Variants in DIAPH2 observed in about 807,000 individuals in gnomAD.
DIAPH2 encodes diaphanous related formin 2.
Under a neutral mutation model 92.7 loss-of-function variants are expected in DIAPH2, and 35 were observed. That is an observed-to-expected ratio of 0.38 (90% CI 0.29 to 0.50). The LOEUF (loss-of-function observed/expected upper bound fraction) is 0.50. DIAPH2 is among the 20% of genes least tolerant of loss of function. The probability of loss-of-function intolerance (pLI) is 0.94; values close to 1 mark genes in which losing one functional copy is unlikely to be tolerated. For synonymous variants in DIAPH2, 301 were observed against 280.4 expected (o/e 1.07, Z -0.73); for missense variants, 701 against 819.5 (o/e 0.86, Z 1.77).
intron 4 of DIAPH2, among the ~76,000 whole-genome samples, chrX:96,828,022 G>A (rs1032138518): frequency 1.8e-5 from 2 of 111,586 alleles, no homozygotes; most frequent in South Asian, 3.7e-4. Flanking sequence ...CACCCACCTC[G>A]GCCTCCTAAA....
intron 14 of DIAPH2, among the ~76,000 whole-genome samples, chrX:96,946,754 G>A (rs932028576): frequency 9.0e-6 from 1 of 111,709 alleles, no homozygotes; most frequent in Admixed American, 9.5e-5. Context: ...ATTAGACACT[G>A]CAAGACTGGA....
intron 4 of DIAPH2, among the ~76,000 whole-genome samples, chrX:96,784,553 G>T (rs1404812471): frequency 1.8e-5 from 2 of 111,495 alleles, no homozygotes; most frequent in African/African-American, 6.5e-5. Flanking sequence ...AAAACTCATT[G>T]GTGTGACTAT....
chrX:97,422,674 G>C (rs774796445), intron 25 of DIAPH2, among the ~76,000 whole-genome samples: 1 of 111,997 alleles, frequency 8.9e-6, no homozygotes, highest in East Asian at 2.8e-4. Flanking sequence ...GATTTTTATA[G>C]TATTGGCTTT....
intron 26 of DIAPH2, chrX:97,449,560 G>A (rs778276014): frequency 1.1e-4 from 35 of 310,484 alleles, no homozygotes; most frequent in Non-Finnish European, 1.3e-4. Flanking sequence ...TGAAACTACC[G>A]ATGGTCATTC....
At chrX:97,461,306 G>A (rs182592661) in intron 26 of DIAPH2, among the ~76,000 whole-genome samples, 1 of 107,391 alleles carries the variant, frequency 9.3e-6, no homozygotes, top group Non-Finnish European at 1.9e-5. Flanking sequence ...ACACACACAA[G>A]AGTAAATGTT....
chrX:96,737,678 CAAGCT>C (rs2064095826), intron 2 of DIAPH2, among the ~76,000 whole-genome samples: 1 of 111,664 alleles, frequency 9.0e-6, no homozygotes. Context: ...TGTGAAATAG[CAAGCT>C]AATTATTAGA....
chrX:97,186,866 C>T (rs772546279), intron 22 of DIAPH2, among the ~76,000 whole-genome samples: 2 of 111,915 alleles, frequency 1.8e-5, no homozygotes, highest in Non-Finnish European at 3.8e-5. Context: ...GGTCTGCTTC[C>T]ATGTTTTGAG....
intron 25 of DIAPH2, among the ~76,000 whole-genome samples, chrX:97,397,292 A>G (rs150377729): frequency 8.0e-4 from 90 of 112,033 alleles, no homozygotes; most frequent in African/African-American, 2.8e-3. Context: ...TAAATGTGCA[A>G]TTAACTATGG....
At chrX:97,521,253 G>C (rs2070988721) in intron 26 of DIAPH2, among the ~76,000 whole-genome samples, 1 of 111,930 alleles carries the variant, frequency 8.9e-6, no homozygotes, top group African/African-American at 3.2e-5. Flanking sequence ...ATAAATTTCC[G>C]TTGTTTACAA....
intron 1 of DIAPH2, among the ~76,000 whole-genome samples, chrX:96,717,360 A>G (rs1203882279): frequency 3.6e-5 from 4 of 110,909 alleles, no homozygotes; most frequent in Non-Finnish European, 7.5e-5. Flanking sequence ...TATTGAGAGA[A>G]GAGCACTGAA....
intron 3 of DIAPH2, among the ~76,000 whole-genome samples, chrX:96,753,234 G>A (rs1178445144): frequency 2.7e-5 from 3 of 111,820 alleles, no homozygotes; most frequent in African/African-American, 9.8e-5. Flanking sequence ...AATTTAACCA[G>A]AATTTTTTTA....
intron 22 of DIAPH2, among the ~76,000 whole-genome samples, chrX:97,157,901 A>T (rs753711506): frequency 1.8e-5 from 2 of 112,315 alleles, no homozygotes; most frequent in East Asian, 5.6e-4. Flanking sequence ...AGAAAAGTAT[A>T]CGCCGAGCCT....
intron 26 of DIAPH2, among the ~76,000 whole-genome samples, chrX:97,467,671 T>A (rs1032531784): frequency 3.6e-5 from 4 of 112,081 alleles, no homozygotes; most frequent in Non-Finnish European, 7.5e-5. Flanking sequence ...TTTCACACTC[T>A]ACAGGGGAAT....
chrX:97,493,648 G>A (rs2070738961), intron 26 of DIAPH2, among the ~76,000 whole-genome samples: 1 of 110,318 alleles, frequency 9.1e-6, no homozygotes, highest in Non-Finnish European at 1.9e-5. Context: ...GGAGGCCAAG[G>A]CAGGTGGATC....
chrX:97,124,726 G>A lies in DIAPH2; in HGVS notation c.2589+9761G>A, dbSNP rs184689600. 2.2e-4 allele frequency among the ~76,000 whole-genome samples: 25 copies of A among 111,268 alleles called. No individual in the cohort carries two copies. The East Asian group carries it at 7.1e-3, about 31-fold the overall frequency. On this transcript the variant is annotated intron_variant, in intron 21 of 26. Transcript: ENST00000324765. ...TACCTGTGATTATTAATATCGTGAA[G>A]CCTATGCTGCTATCTCTGATTTTAA...
At chrX:97,331,860 G>T (rs1014107949) in intron 23 of DIAPH2, among the ~76,000 whole-genome samples, 1 of 111,355 alleles carries the variant, frequency 9.0e-6, no homozygotes. Flanking sequence ...CTAATGTCAG[G>T]GGTATCAAAC....
At chrX:96,844,841 C>T (rs1178045443) in intron 4 of DIAPH2, among the ~76,000 whole-genome samples, 4 of 112,125 alleles carry the variant, frequency 3.6e-5, no homozygotes, top group African/African-American at 1.3e-4. Flanking sequence ...ATCGAAAACA[C>T]TGAACACCCC....
At chrX:97,535,683 C>T (rs902071619) in intron 26 of DIAPH2, among the ~76,000 whole-genome samples, 3 of 111,851 alleles carry the variant, frequency 2.7e-5, no homozygotes, top group African/African-American at 9.7e-5. Flanking sequence ...CTCCTGACCT[C>T]AAGTGATCCA....
intron 4 of DIAPH2, among the ~76,000 whole-genome samples, chrX:96,869,829 A>G (rs932107155): frequency 4.5e-5 from 5 of 110,463 alleles, no homozygotes; most frequent in African/African-American, 1.7e-4. Flanking sequence ...CAGGATCCTT[A>G]TTTCACCCTT....
Sources: allele counts gnomAD v4.1 joint callset (sites outside exome capture counted in the v4.1 genomes callset), GRCh38; gene constraint gnomAD v4.1.1; transcripts MANE v1.5; gene names NCBI Gene and HGNC (gene_info 2026-07-23, HGNC 2026-07-21).